Variants in SRSF11 observed in about 807,000 individuals in gnomAD.
The protein encoded by SRSF11 is serine/arginine-rich splicing factor 11.
In SRSF11, 9 loss-of-function variants were observed where a neutral mutation model predicts 56.0. The observed-to-expected ratio is 0.16, with a 90% CI of 0.10 to 0.28. The LOEUF is 0.28. Ranked by LOEUF, SRSF11 falls within the 10% of genes least tolerant of loss-of-function variation. The pLI, the probability that SRSF11 is intolerant of heterozygous loss-of-function variation, is 1.00. For synonymous variants in SRSF11, 222 were observed against 215.3 expected (o/e 1.03, Z -0.27); for missense variants, 421 against 600.7 (o/e 0.70, Z 3.13).
intron 1 of SRSF11, among the ~76,000 whole-genome samples, chr1:70,224,745 A>G (rs577097919): frequency 1.3e-5 from 2 of 152,290 alleles, no homozygotes; most frequent in African/African-American, 4.8e-5. Context: ...ACAATAGGTG[A>G]TATTCTAACT....
chr1:70,244,801 C>T lies in SRSF11; in HGVS notation c.918C>T (p.Ser306=), dbSNP rs142610489. The change falls in exon 8 of 12, where the codon AGC becomes AGT. Residue 306 remains serine, a synonymous_variant. Coordinates refer to ENST00000370949, the MANE Select transcript of SRSF11 (RefSeq NM_001350605.2). ...GAGAAAGAGGTAGAAGGTCAAGGAGCACATCAAAAACAAGGTATAGCATTG... is the reference window on the plus strand; with the variant it reads ...GAGAAAGAGGTAGAAGGTCAAGGAGTACATCAAAAACAAGGTATAGCATTG... ...HSRERGRRSR[S]TSKTRDKKKE... The T allele has an allele frequency of 1.5e-5, 25 of 1,613,960 alleles. No homozygotes were observed. Among genetic ancestry groups the T allele is most frequent in the Non-Finnish European group, 1.4e-5 (16 of 1,179,954 alleles).
Position 70,252,040 on chromosome 1 carries a change from C to T in SRSF11, c.*1235C>T, listed in dbSNP as rs1048047206. The T allele has an allele frequency of 4.6e-5, 7 of 152,564 alleles. No homozygotes were observed. Among genetic ancestry groups the T allele is most frequent in the African/African-American group, 1.4e-4 (6 of 41,456 alleles). 9.5% of individuals were successfully genotyped at this position (152,564 alleles called of 1,614,324 possible). A position where few individuals can be genotyped will look rare whatever the true frequency, so the allele number is the denominator to read the frequency against. ...GTAAAACCGTATTTGTATTTATTTA[C>T]GCTACTGAATGTATGACATTTACCT... On this transcript the variant is annotated 3_prime_UTR_variant, in exon 12 of 12. Transcript: ENST00000370949.
chr1:70,216,755 A>G (rs1187556448), upstream of SRSF11, among the ~76,000 whole-genome samples: 1 of 152,142 alleles, frequency 6.6e-6, no homozygotes, highest in Admixed American at 6.5e-5. Flanking sequence ...AATAAAATTG[A>G]TAATAATGAT....
At chr1:70,224,142 A>G (rs765573856) in intron 1 of SRSF11, among the ~76,000 whole-genome samples, 6 of 152,056 alleles carry the variant, frequency 3.9e-5, no homozygotes, top group Non-Finnish European at 7.4e-5. Context: ...CCATGATTTT[A>G]TTTTTCCTCC....
rs1356805118 is a variant in SRSF11 at position 70,237,383 on chromosome 1, A to G, written c.591-42A>G. On this transcript the variant is annotated intron_variant, in intron 5 of 11. Transcript: ENST00000370949. ...GTATTTATTTGAAATGCTCGTGTGC[A>G]TTTTAAAATATTTCAGATCCCATTT... The G allele has an allele frequency of 3.1e-6, 5 of 1,602,282 alleles. No homozygotes were observed. In the South Asian group the frequency reaches 3.4e-5, roughly 11 times the overall value.
chr1:70,206,423 A>C (rs1669029320), intron 1 of SRSF11, among the ~76,000 whole-genome samples: 1 of 151,080 alleles, frequency 6.6e-6, no homozygotes, highest in South Asian at 2.1e-4. Flanking sequence ...AAAAACTAGA[A>C]TCTTGAGCTC....
chr1:70,228,372 G>A (rs1461287679), intron 1 of SRSF11, 50 bp from the exon 2 acceptor site: 4 of 1,411,304 alleles, frequency 2.8e-6, no homozygotes. Context: ...ATTAGCATTT[G>A]TTTTAACTGC....
intron 5 of SRSF11, 96 bp from the exon 6 acceptor site, chr1:70,237,329 A>G: frequency 6.7e-7 from 1 of 1,493,156 alleles, no homozygotes; most frequent in East Asian, 2.4e-5. Context: ...TTGAAGGAAT[A>G]TTTTGCTAAA....
Position 70,250,869 on chromosome 1 carries a change from T to G in SRSF11, c.*64T>G. Reference sequence around the variant, plus strand: ...AGTGTCATTCCTTTGTGTGATTTCTTAATGCTGTATTTGTTCATCTCAAAC... The same window carrying G: ...AGTGTCATTCCTTTGTGTGATTTCTGAATGCTGTATTTGTTCATCTCAAAC... On this transcript the variant is annotated 3_prime_UTR_variant, in exon 12 of 12. Transcript: ENST00000370949. 11 of 1,430,208 alleles carry G rather than the reference T, an allele frequency of 7.7e-6. No homozygotes were observed. Among genetic ancestry groups the G allele is most frequent in the East Asian group, 2.3e-5 (1 of 43,706 alleles). 88.6% of individuals were successfully genotyped at this position (1,430,208 alleles called of 1,614,324 possible). A position where few individuals can be genotyped will look rare whatever the true frequency, so the allele number is the denominator to read the frequency against.
intron 1 of SRSF11, among the ~76,000 whole-genome samples, chr1:70,224,091 C>T (rs1434577251): frequency 2.0e-5 from 3 of 152,094 alleles, no homozygotes; most frequent in Non-Finnish European, 4.4e-5. Flanking sequence ...TAAGTAATCA[C>T]GAGATTTAAA....
rs377434872 is a variant in SRSF11, at chr1:70,242,472, C to CT, written c.801-2202dup. Reference sequence around the variant, plus strand: ...CACCACACCTGGCTAATTTTTGCACCTTTTTTTTTTATGTAGAGACAGGGT... The same window carrying CT: ...CACCACACCTGGCTAATTTTTGCACCTTTTTTTTTTTATGTAGAGACAGGGT... On this transcript the variant is annotated intron_variant, in intron 7 of 11. Transcript: ENST00000370949. 3.6e-3 allele frequency among the ~76,000 whole-genome samples: 496 copies of CT among 139,346 alleles called. 2 individuals carry two copies. Among genetic ancestry groups the CT allele is most frequent in the Non-Finnish European group, 5.6e-3 (364 of 64,968 alleles). The allele number at this position is 139,346 out of a possible 152,430, so 91.4% of individuals were successfully genotyped here.
intron 2 of SRSF11, chr1:70,230,503 A>C: frequency 8.0e-7 from 1 of 1,244,670 alleles, no homozygotes; most frequent in Non-Finnish European, 1.0e-6. Flanking sequence ...TCCTTGGTTA[A>C]TGTTTGTTTC....
At chr1:70,211,327 C>T (rs1181506432) in intron 1 of SRSF11, among the ~76,000 whole-genome samples, 1 of 152,006 alleles carries the variant, frequency 6.6e-6, no homozygotes, top group African/African-American at 2.4e-5. Context: ...TTCATATCCA[C>T]CCCCTCCCAC....
In SRSF11 at chr1:70,251,916, C is replaced by A. The variant is rs1678014483; in HGVS notation, c.*1111C>A. 6.6e-6 allele frequency: 1 copy of A among 152,536 alleles called. No individual in the cohort carries two copies. Among genetic ancestry groups the A allele is most frequent in the African/African-American group, 2.4e-5 (1 of 41,432 alleles). The allele number at this position is 152,536 out of a possible 1,614,324, so 9.4% of individuals were successfully genotyped here. A position where few individuals can be genotyped will look rare whatever the true frequency, so the allele number is the denominator to read the frequency against. On this transcript the variant is annotated 3_prime_UTR_variant, in exon 12 of 12. Transcript: ENST00000370949. ...AAGCTTCACTTTTGTGCAGTAGAAA[C>A]AAAAGTAGGCTACAGTCTGTGCCAT...
chr1:70,251,825 AT>A lies in SRSF11; in HGVS notation c.*1021del, dbSNP rs2101052786. 1 of 152,676 alleles carries A rather than the reference AT, an allele frequency of 6.5e-6. No homozygotes were observed. The highest frequency in any genetic ancestry group is 6.5e-5 in the Admixed American group (1 of 15,288). 9.5% of individuals were successfully genotyped at this position (152,676 alleles called of 1,614,324 possible). On this transcript the variant is annotated 3_prime_UTR_variant, in exon 12 of 12. Transcript: ENST00000370949. Reference sequence around the variant, plus strand: ...TTTGTGTTACTGCAGTAGTAATCTTATGCACACGGTGATTTCATGTTATATA... The same window carrying A: ...TTTGTGTTACTGCAGTAGTAATCTTAGCACACGGTGATTTCATGTTATATA...
At position 70,252,812 on chromosome 1, in the gene SRSF11, C is replaced by CT. The variant is rs1678126835; in HGVS notation, c.*2011dup. ...TAATCTCTGAATACAAATATACTAGCTTTTCTAAAGGGAATCATTTTTTTA... is the reference window on the plus strand; with the variant it reads ...TAATCTCTGAATACAAATATACTAGCTTTTTCTAAAGGGAATCATTTTTTTA... On this transcript the variant is annotated 3_prime_UTR_variant, in exon 12 of 12. Coordinates refer to ENST00000370949, the MANE Select transcript of SRSF11 (RefSeq NM_001350605.2). 6.6e-6 allele frequency: 1 copy of CT among 152,134 alleles called. No individual in the cohort carries two copies. The highest frequency in any genetic ancestry group is 2.4e-5 in the African/African-American group (1 of 41,432). The allele number at this position is 152,134 out of a possible 1,614,324, so 9.4% of individuals were successfully genotyped here.
intron 2 of SRSF11, chr1:70,230,550 C>G: frequency 7.8e-7 from 1 of 1,276,374 alleles, no homozygotes; most frequent in Non-Finnish European, 1.0e-6. Flanking sequence ...TCTACACATT[C>G]ATGCAGTATT....
chr1:70,235,449 G>A (rs964016112), intron 4 of SRSF11, 52 bp from the exon 5 acceptor site: 22 of 1,438,090 alleles, frequency 1.5e-5, no homozygotes, highest in African/African-American at 5.7e-5. Flanking sequence ...AGAAAATATC[G>A]GTCATTTATT....
At chr1:70,232,039 A>T in intron 2 of SRSF11, 1 of 1,522,796 alleles carries the variant, frequency 6.6e-7, no homozygotes, top group Non-Finnish European at 8.8e-7. Flanking sequence ...TTTTTACTCT[A>T]GAAACTTAAC....
Sources: allele counts gnomAD v4.1 joint callset (sites outside exome capture counted in the v4.1 genomes callset), GRCh38; gene constraint gnomAD v4.1.1; transcripts MANE v1.5; gene names NCBI Gene and HGNC (gene_info 2026-07-23, HGNC 2026-07-21).